Variants in RBFOX1 observed in about 807,000 individuals in gnomAD.
RBFOX1 encodes the protein RNA binding protein fox-1 homolog 1.
RBFOX1 carries 8 observed loss-of-function variants against 57.7 expected under a neutral mutation model. That is an observed-to-expected ratio of 0.14 (90% CI 0.08 to 0.25). RBFOX1 has a LOEUF of 0.25. Among genes scored for constraint, RBFOX1 ranks in the 10% least tolerant of loss-of-function variants. The pLI is 1.00. For synonymous variants in RBFOX1, 326 were observed against 222.4 expected (o/e 1.47, Z -4.15); for missense variants, 611 against 548.5 (o/e 1.11, Z -1.14).
intron 4 of RBFOX1, among the ~76,000 whole-genome samples, chr16:5,937,181 C>A (rs2059184220): frequency 6.6e-6 from 1 of 152,170 alleles, no homozygotes; most frequent in Admixed American, 6.5e-5. Context: ...ATTGTGTTCT[C>A]TGGTCTCCAT....
chr16:7,040,875 C>T (rs1460090384), intron 3 of RBFOX1, among the ~76,000 whole-genome samples: 1 of 151,752 alleles, frequency 6.6e-6, no homozygotes, highest in Non-Finnish European at 1.5e-5. Flanking sequence ...CTGCGTGATT[C>T]TGTAAATAAA....
chr16:6,850,737 A>C (rs929719894), intron 3 of RBFOX1, among the ~76,000 whole-genome samples: 1 of 152,212 alleles, frequency 6.6e-6, no homozygotes, highest in African/African-American at 2.4e-5. Flanking sequence ...TAGTGACAAT[A>C]CCAAATGCTG....
At chr16:6,194,508 A>G (rs2097167306) in intron 1 of RBFOX1, among the ~76,000 whole-genome samples, 1 of 152,152 alleles carries the variant, frequency 6.6e-6, no homozygotes, top group South Asian at 2.1e-4. Flanking sequence ...AGTTCAGTGC[A>G]CGTAATGAGC....
chr16:5,333,684 A>G (rs148242682), intron 1 of RBFOX1, among the ~76,000 whole-genome samples: 1 of 152,246 alleles, frequency 6.6e-6, no homozygotes, highest in Non-Finnish European at 1.5e-5. Context: ...ATGTAAGAAC[A>G]TCACAGGGTG....
chr16:6,690,862 C>A (rs12448122), intron 3 of RBFOX1, among the ~76,000 whole-genome samples: 4 of 151,310 alleles, frequency 2.6e-5, no homozygotes, highest in African/African-American at 4.9e-5. Context: ...ATTTTTCCCC[C>A]CTTGGACTCT....
intron 1 of RBFOX1, among the ~76,000 whole-genome samples, chr16:6,060,573 C>T (rs1399663768): frequency 6.6e-6 from 1 of 152,188 alleles, no homozygotes; most frequent in Admixed American, 6.5e-5. Flanking sequence ...TTGATGCTTG[C>T]TTCATGCTTT....
At chr16:7,415,181 A>C (rs2098466367) in intron 4 of RBFOX1, among the ~76,000 whole-genome samples, 1 of 152,206 alleles carries the variant, frequency 6.6e-6, no homozygotes, top group South Asian at 2.1e-4. Context: ...CATGGCTTAC[A>C]ATCCTGGCTG....
chr16:7,160,830 TCCTCCTTCC>T (rs1276219693), intron 4 of RBFOX1, among the ~76,000 whole-genome samples: 8 of 134,394 alleles, frequency 6.0e-5, no homozygotes, highest in African/African-American at 2.5e-4. Context: ...CCCTCCTCCC[TCCTCCTTCC>T]TCCTCCTCCT....
intron 4 of RBFOX1, among the ~76,000 whole-genome samples, chr16:7,461,162 C>T (rs191221305): frequency 6.6e-6 from 1 of 151,252 alleles, no homozygotes; most frequent in South Asian, 2.1e-4. Context: ...GATGAAAAAA[C>T]AAAGGCAAAA....
Position 5,356,530 on chromosome 16 carries a change from G to T in RBFOX1, c.220-110686G>T, listed in dbSNP as rs117481190. Among the ~76,000 whole-genome samples the T allele has an allele frequency of 3.0e-3, 455 of 152,316 alleles. 5 individuals are homozygous for T. Among genetic ancestry groups the T allele is most frequent in the South Asian group, 0.018 (89 of 4,826 alleles). On this transcript the variant is annotated intron_variant, in intron 1 of 2. Coordinates refer to the RBFOX1 transcript ENST00000585867. ...GTGCTTTGGGGGAAAGGATAGACTG[G>T]ATTGTCAGTTTATTTCTAGGGCAAG...
intron 4 of RBFOX1, among the ~76,000 whole-genome samples, chr16:7,359,400 G>A (rs906934092): frequency 6.6e-6 from 1 of 152,030 alleles, no homozygotes; most frequent in Non-Finnish European, 1.5e-5. Context: ...CTGTGTGTTT[G>A]TGTGCACATG....
intron 3 of RBFOX1, among the ~76,000 whole-genome samples, chr16:5,790,006 C>T (rs2054635149): frequency 6.6e-6 from 1 of 152,190 alleles, no homozygotes; most frequent in Non-Finnish European, 1.5e-5. Flanking sequence ...TATTTCTCTC[C>T]CATGTGATGT....
intron 2 of RBFOX1, among the ~76,000 whole-genome samples, chr16:5,492,512 G>A (rs533393818): frequency 1.3e-5 from 2 of 152,210 alleles, no homozygotes; most frequent in Non-Finnish European, 2.9e-5. Context: ...TGTGAGCTTA[G>A]ACCTGAAGAT....
chr16:6,123,234 A>T (rs2096564986), intron 1 of RBFOX1, among the ~76,000 whole-genome samples: 2 of 152,228 alleles, frequency 1.3e-5, no homozygotes, highest in African/African-American at 4.8e-5. Flanking sequence ...TGCAATAGCC[A>T]AAAGGTGGAA....
chr16:6,976,082 G>A (rs751733135), intron 3 of RBFOX1, among the ~76,000 whole-genome samples: 8 of 152,126 alleles, frequency 5.3e-5, no homozygotes, highest in Non-Finnish European at 1.0e-4. Flanking sequence ...AGCCAAGATC[G>A]TCCCACTGCA....
chr16:5,748,589 C>G (rs543434776), intron 3 of RBFOX1, among the ~76,000 whole-genome samples: 1 of 152,092 alleles, frequency 6.6e-6, no homozygotes, highest in Admixed American at 6.6e-5. Context: ...GGATAGTTAG[C>G]TCTTCTTGTT....
At chr16:5,364,396 T>C (rs2065646097) in intron 1 of RBFOX1, among the ~76,000 whole-genome samples, 1 of 152,174 alleles carries the variant, frequency 6.6e-6, no homozygotes, top group Admixed American at 6.5e-5. Context: ...AACAAGCCAG[T>C]TGCCAATCGA....
intron 3 of RBFOX1, among the ~76,000 whole-genome samples, chr16:6,787,147 C>T (rs562672763): frequency 6.6e-5 from 10 of 152,244 alleles, no homozygotes; most frequent in South Asian, 2.1e-4. Context: ...CTCCAAGAAA[C>T]GTTGATGAAA....
At chr16:6,155,110 A>G (rs1034802582) in intron 1 of RBFOX1, among the ~76,000 whole-genome samples, 4 of 152,322 alleles carry the variant, frequency 2.6e-5, no homozygotes, top group African/African-American at 7.2e-5. Context: ...TAGTGTTTCT[A>G]TATACATTTT....
Sources: gnomAD v4.1 joint callset for allele counts (sites outside exome capture counted in the v4.1 genomes callset) on GRCh38, gnomAD v4.1.1 for gene constraint, MANE v1.5 for transcripts, NCBI Gene and HGNC (gene_info 2026-07-23, HGNC 2026-07-21) for gene names.